Variants in GABBR2 observed in about 807,000 individuals in gnomAD.
GABBR2 encodes gamma-aminobutyric acid type B receptor subunit 2, also known as G-protein coupled receptor 51.
GABBR2 carries 23 observed loss-of-function variants against 105.6 expected under a neutral mutation model. The ratio of observed to expected loss-of-function variants is 0.22; its 90% CI spans 0.16 to 0.31. GABBR2 has a LOEUF of 0.31. Among genes scored for constraint, GABBR2 ranks in the 10% least tolerant of loss-of-function variants. The probability of loss-of-function intolerance (pLI) is 1.00; values close to 1 mark genes in which losing one functional copy is unlikely to be tolerated. For synonymous variants in GABBR2, 478 were observed against 499.7 expected (o/e 0.96, Z 0.58); for missense variants, 734 against 1,245.5 (o/e 0.59, Z 6.18).
chr9:98,529,998 T>C (rs1828034426), intron 3 of GABBR2, among the ~76,000 whole-genome samples: 2 of 152,186 alleles, frequency 1.3e-5, no homozygotes, highest in African/African-American at 4.8e-5. Flanking sequence ...TCCACTCCTT[T>C]GCTCATGCGG....
chr9:98,525,480 G>T (rs989579440), intron 3 of GABBR2, among the ~76,000 whole-genome samples: 2 of 152,162 alleles, frequency 1.3e-5, no homozygotes, highest in Non-Finnish European at 2.9e-5. Context: ...CACTAAGATG[G>T]TTATAATCTC....
chr9:98,542,300 C>T (rs1379944754), intron 2 of GABBR2, among the ~76,000 whole-genome samples: 1 of 152,174 alleles, frequency 6.6e-6, no homozygotes, highest in Admixed American at 6.5e-5. Flanking sequence ...TTCATGTTAT[C>T]GTCTATTCCT....
chr9:98,332,686 T>G (rs1286710043), intron 13 of GABBR2, among the ~76,000 whole-genome samples: 16 of 152,242 alleles, frequency 1.1e-4, no homozygotes, highest in Non-Finnish European at 7.3e-5. Context: ...TGCCATATAT[T>G]TTTAATAATT....
intron 6 of GABBR2, among the ~76,000 whole-genome samples, chr9:98,466,298 G>T (rs926068573): frequency 7.9e-5 from 12 of 152,224 alleles, no homozygotes; most frequent in Non-Finnish European, 1.6e-4. Flanking sequence ...GCAGGCATCT[G>T]AATGGCAAAG....
At chr9:98,532,157 T>C (rs1428455507) in intron 3 of GABBR2, among the ~76,000 whole-genome samples, 1 of 152,162 alleles carries the variant, frequency 6.6e-6, no homozygotes, top group Non-Finnish European at 1.5e-5. Flanking sequence ...AAAAATCATA[T>C]CACATATTTA....
At chr9:98,645,792 A>G (rs1830022387) in intron 1 of GABBR2, among the ~76,000 whole-genome samples, 1 of 152,244 alleles carries the variant, frequency 6.6e-6, no homozygotes, top group Non-Finnish European at 1.5e-5. Context: ...TAATAATAAC[A>G]GCAGCAGCTA....
At chr9:98,532,668 A>G (rs1828089599) in intron 3 of GABBR2, among the ~76,000 whole-genome samples, 1 of 152,210 alleles carries the variant, frequency 6.6e-6, no homozygotes, top group African/African-American at 2.4e-5. Context: ...CTCTAGCTGC[A>G]TCAAAATCAT....
At chr9:98,335,413 C>A (rs1234519757) in intron 13 of GABBR2, among the ~76,000 whole-genome samples, 1 of 152,164 alleles carries the variant, frequency 6.6e-6, no homozygotes, top group Non-Finnish European at 1.5e-5. Flanking sequence ...CTATTTATCA[C>A]CCTGGTATCC....
At chr9:98,611,104 C>G (rs1829499689) in intron 1 of GABBR2, among the ~76,000 whole-genome samples, 1 of 152,230 alleles carries the variant, frequency 6.6e-6, no homozygotes, top group African/African-American at 2.4e-5. Flanking sequence ...TCCCCGCTGC[C>G]TACAGAACCA....
At chr9:98,626,979 T>G (rs1435865976) in intron 1 of GABBR2, among the ~76,000 whole-genome samples, 3 of 152,208 alleles carry the variant, frequency 2.0e-5, no homozygotes, top group Admixed American at 2.0e-4. Context: ...AATGCCTAGG[T>G]TTGAAACCGC....
chr9:98,406,434 T>C (rs186633427), intron 7 of GABBR2, among the ~76,000 whole-genome samples: 2 of 152,358 alleles, frequency 1.3e-5, no homozygotes, highest in East Asian at 3.9e-4. Flanking sequence ...AACACCCACG[T>C]GTCCGTGCTA....
chr9:98,684,007 CA>C (rs367642589), intron 1 of GABBR2, among the ~76,000 whole-genome samples: 10 of 105,920 alleles, frequency 9.4e-5, no homozygotes, highest in East Asian at 5.4e-4. Context: ...GACTCCATCT[CA>C]AAAAAAAAAA....
chr9:98,708,729 G>A lies in GABBR2; in HGVS notation c.9C>T (p.Ser3=). 2.2e-5 allele frequency: 22 copies of A among 988,004 alleles called. No homozygotes were observed. The highest frequency in any genetic ancestry group is 2.6e-5 in the Non-Finnish European group (22 of 833,444). 61.2% of individuals were successfully genotyped at this position (988,004 alleles called of 1,614,324 possible). Residue 3 remains serine (S), a synonymous_variant, in exon 1 of 19, where the codon TCC becomes TCT. Transcript: ENST00000259455. MA[S]PRSSGQPGPP... is the part of the protein sequence containing the mutation. The stretch of plus-strand genomic sequence containing the variant: ...GCCCGGGCTGCCCGGAGCTCCGCGG[G>A]GAAGCCATGCCGCGCCGCGGGCTGC...
In GABBR2 at chr9:98,578,067, G is replaced by A. The variant is rs1338486502; in HGVS notation, c.327C>T (p.Asp109=). Residue 109 remains aspartate (D), a synonymous_variant, in exon 2 of 19, where the codon GAC becomes GAT. Transcript: ENST00000259455. ...AGAAGGCTTTCAACCCTTTTGCGTT[G>A]TCGCACTGGGAAGCAACACATAGAA... ...LDLRLYDTEC[D]NAKGLKAFYD... is the part of the protein sequence containing the mutation. 1.2e-6 allele frequency: 2 copies of A among 1,613,706 alleles called. No individual in the cohort carries two copies. The highest frequency in any genetic ancestry group is 1.7e-5 in the Admixed American group (1 of 59,948).
chr9:98,299,901 C>T (rs55746136), intron 16 of GABBR2, among the ~76,000 whole-genome samples: 1,663 of 152,142 alleles, frequency 0.011, 34 homozygotes, highest in African/African-American at 0.038. Context: ...CTCACTCTGT[C>T]ACCCAGATTA....
chr9:98,490,021 A>G (rs1020597517), intron 4 of GABBR2, among the ~76,000 whole-genome samples: 5 of 152,190 alleles, frequency 3.3e-5, no homozygotes, highest in South Asian at 2.1e-4. Flanking sequence ...TGAACCCAGG[A>G]AGTGGAGGTT....
intron 3 of GABBR2, among the ~76,000 whole-genome samples, chr9:98,531,831 T>C (rs1258361551): frequency 2.6e-5 from 4 of 152,162 alleles, no homozygotes; most frequent in African/African-American, 9.7e-5. Flanking sequence ...CAAGGAGAAG[T>C]CTATTGCCAG....
At chr9:98,498,761 C>T (rs1023625001) in intron 3 of GABBR2, among the ~76,000 whole-genome samples, 1 of 151,328 alleles carries the variant, frequency 6.6e-6, no homozygotes, top group African/African-American at 2.4e-5. Context: ...GGTAACTAGT[C>T]AATGGGGGGA....
chr9:98,520,071 C>T (rs886806500), intron 3 of GABBR2, among the ~76,000 whole-genome samples: 4 of 152,156 alleles, frequency 2.6e-5, no homozygotes, highest in Non-Finnish European at 4.4e-5. Flanking sequence ...ACTCTCTGAG[C>T]TTTTTTTCTT....
Sources: gnomAD v4.1 joint callset for allele counts (sites outside exome capture counted in the v4.1 genomes callset) on GRCh38, gnomAD v4.1.1 for gene constraint, MANE v1.5 for transcripts, NCBI Gene and HGNC (gene_info 2026-07-23, HGNC 2026-07-21) for gene names.